The following EPDR1 variants were observed in gnomAD, a reference collection of about 807,000 sequenced individuals.
EPDR1 encodes the protein mammalian ependymin-related protein 1.
In EPDR1, 27 loss-of-function variants were observed where a neutral mutation model predicts 23.7. That is an observed-to-expected ratio of 1.14 (90% confidence interval 0.84 to 1.57). The LOEUF (loss-of-function observed/expected upper bound fraction) is 1.57. Ranked by LOEUF, EPDR1 falls within the 40% of genes most tolerant of loss-of-function variation. EPDR1 has a pLI of 0.00. For missense variants in EPDR1, 349 were observed against 290.4 expected (o/e 1.20, Z -1.47); for synonymous variants, 137 against 118.2 (o/e 1.16, Z -1.03).
intron 1 of EPDR1, among the ~76,000 whole-genome samples, chr7:37,932,872 A>G (rs1048701526): frequency 2.6e-5 from 4 of 152,152 alleles, no homozygotes; most frequent in African/African-American, 9.7e-5. Context: ...ATTCATCCAG[A>G]TATATTTTGG....
chr7:37,948,035 A>G (rs570977253), intron 1 of EPDR1, among the ~76,000 whole-genome samples: 2 of 152,232 alleles, frequency 1.3e-5, no homozygotes, highest in Non-Finnish European at 2.9e-5. Flanking sequence ...TATGCGCATC[A>G]AAGCCCCTTA....
intron 1 of EPDR1, among the ~76,000 whole-genome samples, chr7:37,946,235 G>A (rs910269106): frequency 6.6e-6 from 1 of 152,142 alleles, no homozygotes; most frequent in African/African-American, 2.4e-5. Context: ...TATATTCCTT[G>A]GGGTATATAC....
At chr7:37,929,388 T>G (rs1268596215) in intron 1 of EPDR1, among the ~76,000 whole-genome samples, 1 of 152,234 alleles carries the variant, frequency 6.6e-6, no homozygotes, top group African/African-American at 2.4e-5. Context: ...ATGTGGGACC[T>G]AAACGAATAC....
At chr7:37,921,233 G>A (rs13240429) in intron 1 of EPDR1, 25 bp downstream of exon 1, 375,386 of 1,564,168 alleles carry the variant, frequency 0.24, 45,601 homozygotes, top group African/African-American at 0.28. Flanking sequence ...CCCGCGGGGC[G>A]GGAGTAGGGA....
At chr7:37,942,987 T>C (rs1786200447) in intron 1 of EPDR1, among the ~76,000 whole-genome samples, 1 of 152,226 alleles carries the variant, frequency 6.6e-6, no homozygotes, top group Non-Finnish European at 1.5e-5. Flanking sequence ...TGGCCCGTCC[T>C]GTGTGTTGTG....
intron 1 of EPDR1, among the ~76,000 whole-genome samples, chr7:37,945,482 C>A (rs532871250): frequency 2.0e-5 from 3 of 152,102 alleles, no homozygotes; most frequent in Non-Finnish European, 4.4e-5. Flanking sequence ...CTGAAGCATA[C>A]GGCTACTAAT....
intron 1 of EPDR1, among the ~76,000 whole-genome samples, chr7:37,926,156 T>A (rs1363816844): frequency 6.6e-6 from 1 of 152,216 alleles, no homozygotes; most frequent in Non-Finnish European, 1.5e-5. Context: ...TTCAGTAATC[T>A]TATGTGTTTG....
Position 37,921,224 on chromosome 7 carries a change from C to T in EPDR1, c.269+16C>T. ...CCTGCAAGAGGTACAGGTCATCGGC[C>T]CGCGGGGCGGGAGTAGGGAGCCGCG... On this transcript the variant is annotated intron_variant, in intron 1 of 2. Coordinates refer to ENST00000199448, the MANE Select transcript of EPDR1 (RefSeq NM_017549.5). 6.4e-7 allele frequency: 1 copy of T among 1,573,382 alleles called. No homozygotes were observed. Among genetic ancestry groups the T allele is most frequent in the Non-Finnish European group, 8.5e-7 (1 of 1,170,036 alleles).
Position 37,950,392 on chromosome 7 carries a change from G to A in EPDR1, c.671G>A (p.Trp224Ter). ...GAGAAGATGAGCGAAGACTGCTCCT[G>A]GTGAGCCTGTGCATAGGGAAGCGGC... ...QLEKMSEDCSW is the reference protein window; with the variant it reads ...QLEKMSEDCS The change falls in exon 3 of 3, where the codon TGG becomes TAG. Residue 224 changes from tryptophan (W) to a stop codon, truncating the protein, a stop_gained. Coordinates refer to ENST00000199448, the MANE Select transcript of EPDR1 (RefSeq NM_017549.5). LOFTEE classifies it high-confidence loss of function. The A allele has an allele frequency of 1.9e-6, 3 of 1,611,208 alleles. No individual in the cohort carries two copies. Among genetic ancestry groups the A allele is most frequent in the Non-Finnish European group, 2.5e-6 (3 of 1,178,586 alleles).
At chr7:37,926,010 G>T (rs1785802231) in intron 1 of EPDR1, among the ~76,000 whole-genome samples, 1 of 152,078 alleles carries the variant, frequency 6.6e-6, no homozygotes, top group Non-Finnish European at 1.5e-5. Context: ...AATGCCTCGG[G>T]CCCAAACTCA....
rs1364110399 is a variant in EPDR1 at position 37,920,988 on chromosome 7, T to C, written c.49T>C (p.Trp17Arg). The change falls in exon 1 of 3, where the codon TGG (tryptophan) becomes CGG (arginine). Residue 17 changes from tryptophan (W) to arginine (R), a missense_variant. Coordinates refer to ENST00000199448, the MANE Select transcript of EPDR1 (RefSeq NM_017549.5). ...LRTVPGALGA[W>R]LLGGLWAWTL... ...CACCGTCCCGGGCGCCCTGGGTGCC[T>C]GGCTGCTGGGCGGCCTCTGGGCCTG... 1.3e-6 allele frequency: 2 copies of C among 1,544,682 alleles called. No individual in the cohort carries two copies. Among genetic ancestry groups the C allele is most frequent in the East Asian group, 4.7e-5 (2 of 42,918 alleles).
chr7:37,923,297 A>C (rs1257243456), intron 1 of EPDR1, among the ~76,000 whole-genome samples: 1 of 152,174 alleles, frequency 6.6e-6, no homozygotes, highest in Non-Finnish European at 1.5e-5. Context: ...AATGGTGAAC[A>C]GGGGGCAAGT....
At chr7:37,932,431 T>C (rs921903261) in intron 1 of EPDR1, among the ~76,000 whole-genome samples, 2 of 152,218 alleles carry the variant, frequency 1.3e-5, no homozygotes, top group African/African-American at 4.8e-5. Flanking sequence ...GCTACTATTT[T>C]TTATTTTGAT....
chr7:37,939,645 T>C (rs1786131040), intron 1 of EPDR1, among the ~76,000 whole-genome samples: 2 of 152,194 alleles, frequency 1.3e-5, no homozygotes, highest in South Asian at 4.1e-4. Context: ...TTGGAATCCA[T>C]GCATAGTTTT....
intron 1 of EPDR1, among the ~76,000 whole-genome samples, chr7:37,938,941 T>C (rs901790227): frequency 1.3e-5 from 2 of 152,146 alleles, no homozygotes; most frequent in Non-Finnish European, 2.9e-5. Context: ...TCTGTACAAT[T>C]GTCCTATACA....
At chr7:37,921,428 T>A (rs1425695383) in intron 1 of EPDR1, 1 of 1,387,032 alleles carries the variant, frequency 7.2e-7, no homozygotes, top group Non-Finnish European at 9.3e-7. Context: ...GGGGACTCAG[T>A]AACACCCAGC....
At chr7:37,922,135 T>A (rs1304701406) in intron 1 of EPDR1, among the ~76,000 whole-genome samples, 1 of 152,188 alleles carries the variant, frequency 6.6e-6, no homozygotes, top group African/African-American at 2.4e-5. Flanking sequence ...CCTCTCTTTA[T>A]GGCATTTGCA....
chr7:37,949,493 C>T (rs16879765), intron 2 of EPDR1, among the ~76,000 whole-genome samples: 19,737 of 152,160 alleles, frequency 0.13, 1,334 homozygotes, highest in African/African-American at 0.16. Context: ...TGCTGATATA[C>T]GCCTATCCCA....
chr7:37,930,847 G>C (rs1486691836), intron 1 of EPDR1, among the ~76,000 whole-genome samples: 1 of 152,146 alleles, frequency 6.6e-6, no homozygotes, highest in Non-Finnish European at 1.5e-5. Flanking sequence ...GCCTCAAAAA[G>C]GTCAATTTCT....
Sources: gnomAD v4.1 joint callset for allele counts (sites outside exome capture counted in the v4.1 genomes callset) on GRCh38, gnomAD v4.1.1 for gene constraint, MANE v1.5 for transcripts, NCBI Gene and HGNC (gene_info 2026-07-23, HGNC 2026-07-21) for gene names.